Variants in UMAD1 observed in about 807,000 individuals in gnomAD.
The protein encoded by UMAD1 is UBAP1-MVB12-associated (UMA)-domain containing protein 1.
Under a neutral mutation model 6.1 loss-of-function variants are expected in UMAD1, and 8 were observed. The ratio of observed to expected loss-of-function variants is 1.30; its 90% CI spans 0.76 to 2.35. UMAD1 has a LOEUF of 2.35. UMAD1 is among the 30% of genes most tolerant of loss of function. The pLI is 0.00. For missense variants in UMAD1, 130 were observed against 78.4 expected, an observed-to-expected ratio of 1.66 and a Z score of -2.49; for synonymous variants, 56 against 31.4, an observed-to-expected ratio of 1.78 and a Z score of -2.61.
intron 2 of UMAD1, among the ~76,000 whole-genome samples, chr7:7,682,261 CT>C (rs978117277): frequency 6.6e-6 from 1 of 152,090 alleles, no homozygotes; most frequent in Non-Finnish European, 1.5e-5. Flanking sequence ...TGGATTTCAC[CT>C]TTTAAAATAC....
intron 2 of UMAD1, among the ~76,000 whole-genome samples, chr7:7,680,642 T>A (rs1779885955): frequency 6.6e-6 from 1 of 152,144 alleles, no homozygotes; most frequent in African/African-American, 2.4e-5. Context: ...TATGGACATT[T>A]TAACAATACT....
chr7:7,872,916 A>G (rs1025011231), intron 3 of UMAD1, among the ~76,000 whole-genome samples: 3 of 152,208 alleles, frequency 2.0e-5, no homozygotes, highest in African/African-American at 7.2e-5. Context: ...AGCAAGAAAT[A>G]AAAGGAGAGG....
At chr7:7,784,979 A>G (rs1782434544) in intron 2 of UMAD1, among the ~76,000 whole-genome samples, 1 of 152,100 alleles carries the variant, frequency 6.6e-6, no homozygotes, top group Non-Finnish European at 1.5e-5. Flanking sequence ...CTTCCTTCTT[A>G]GAAAGGTTCC....
At chr7:7,656,451 T>C (rs138215232) in intron 1 of UMAD1, among the ~76,000 whole-genome samples, 1,538 of 152,278 alleles carry the variant, frequency 0.01, 28 homozygotes, top group Admixed American at 0.018. Flanking sequence ...TTTCTTCTAA[T>C]GCTATTCCTC....
At chr7:7,646,862 G>C (rs1785107360) in intron 1 of UMAD1, among the ~76,000 whole-genome samples, 1 of 152,218 alleles carries the variant, frequency 6.6e-6, no homozygotes, top group Middle Eastern at 3.4e-3. Flanking sequence ...GGGGTTTGGG[G>C]TTTATATGGG....
chr7:7,765,246 T>C (rs902833021), intron 2 of UMAD1, among the ~76,000 whole-genome samples: 7 of 152,196 alleles, frequency 4.6e-5, no homozygotes, highest in Non-Finnish European at 1.0e-4. Flanking sequence ...CTGTCCTTTT[T>C]CTTCCAGTAG....
intron 2 of UMAD1, among the ~76,000 whole-genome samples, chr7:7,800,431 T>C (rs1782776003): frequency 6.6e-6 from 1 of 152,242 alleles, no homozygotes; most frequent in Admixed American, 6.5e-5. Context: ...TATTTTTTAT[T>C]ACTTTAATCA....
chr7:7,806,973 G>A (rs1782928349), intron 3 of UMAD1, among the ~76,000 whole-genome samples: 2 of 152,212 alleles, frequency 1.3e-5, no homozygotes, highest in African/African-American at 4.8e-5. Context: ...TACCGAAAGA[G>A]GTTTCTTTTG....
intron 2 of UMAD1, among the ~76,000 whole-genome samples, chr7:7,717,060 C>CTTTTTTTTTTTTTTTTTT (rs766644906): frequency 7.1e-6 from 1 of 141,604 alleles, no homozygotes; most frequent in African/African-American, 2.6e-5. Context: ...TTCTTTTTTT[C>CTTTTTTTTTTTTTTTTTT]TTTTTTTTTT....
intron 2 of UMAD1, among the ~76,000 whole-genome samples, chr7:7,789,728 G>A (rs1583826576): frequency 1.3e-5 from 2 of 151,968 alleles, no homozygotes; most frequent in Non-Finnish European, 2.9e-5. Flanking sequence ...TCTTGTGACT[G>A]GCTTATTTTA....
At chr7:7,803,285 G>A (rs961612644) in intron 3 of UMAD1, among the ~76,000 whole-genome samples, 3 of 152,194 alleles carry the variant, frequency 2.0e-5, no homozygotes, top group African/African-American at 7.2e-5. Context: ...AGACCGGCCT[G>A]GGCAACATTG....
At chr7:7,875,820 T>A (rs924306196) in intron 3 of UMAD1, among the ~76,000 whole-genome samples, 8 of 152,206 alleles carry the variant, frequency 5.3e-5, no homozygotes, top group African/African-American at 1.7e-4. Context: ...CAGTGGCTCA[T>A]GCCTGTAATC....
chr7:7,769,618 G>C (rs1186882453), intron 2 of UMAD1, among the ~76,000 whole-genome samples: 3 of 152,122 alleles, frequency 2.0e-5, no homozygotes, highest in Non-Finnish European at 4.4e-5. Flanking sequence ...ATTTATTGTG[G>C]AATGTTTCTT....
At chr7:7,665,521 A>G (rs974103583) in intron 1 of UMAD1, among the ~76,000 whole-genome samples, 4 of 152,232 alleles carry the variant, frequency 2.6e-5, no homozygotes, top group Admixed American at 2.6e-4. Context: ...TAAATTTTTA[A>G]AGAACTTTAT....
chr7:7,681,431 C>T (rs1779910247), intron 2 of UMAD1, among the ~76,000 whole-genome samples: 1 of 152,132 alleles, frequency 6.6e-6, no homozygotes, highest in African/African-American at 2.4e-5. Flanking sequence ...AGTTAGCTCA[C>T]ATTTGGACAG....
intron 2 of UMAD1, among the ~76,000 whole-genome samples, chr7:7,760,216 T>G (rs1475425421): frequency 6.6e-6 from 1 of 152,006 alleles, no homozygotes; most frequent in African/African-American, 2.4e-5. Context: ...TTCTACCAAA[T>G]GTGAGTGAAG....
intron 2 of UMAD1, among the ~76,000 whole-genome samples, chr7:7,800,916 A>T (rs558792767): frequency 1.5e-4 from 23 of 152,380 alleles, no homozygotes; most frequent in Middle Eastern, 6.8e-3. Flanking sequence ...AAATGGCTAA[A>T]TTAGCGTCTG....
chr7:7,666,092 A>G (rs755702287), intron 1 of UMAD1, among the ~76,000 whole-genome samples: 5 of 152,234 alleles, frequency 3.3e-5, no homozygotes, highest in African/African-American at 9.6e-5. Context: ...TGTTGTCCAC[A>G]GTGGCTGTAC....
chr7:7,656,338 T>G (rs1342811526), intron 1 of UMAD1, among the ~76,000 whole-genome samples: 1 of 152,172 alleles, frequency 6.6e-6, no homozygotes, highest in African/African-American at 2.4e-5. Flanking sequence ...TTATTATACT[T>G]AAAGTTCTGG....
Sources: gnomAD v4.1 joint callset for allele counts (sites outside exome capture counted in the v4.1 genomes callset) on GRCh38, gnomAD v4.1.1 for gene constraint, MANE v1.5 for transcripts, NCBI Gene and HGNC (gene_info 2026-07-23, HGNC 2026-07-21) for gene names.